PHLDB2: variants seen among roughly 807,000 people sequenced by gnomAD.
The protein encoded by PHLDB2 is pleckstrin homology-like domain family B member 2.
A neutral mutation model predicts 123.6 loss-of-function variants in PHLDB2; 71 were observed. That is an observed-to-expected ratio of 0.57 (90% CI 0.47 to 0.70). The LOEUF (loss-of-function observed/expected upper bound fraction) is 0.70. Ranked by LOEUF, PHLDB2 falls within the 30% of genes least tolerant of loss-of-function variation. The probability of loss-of-function intolerance (pLI) is 0.00; values close to 1 mark genes in which losing one functional copy is unlikely to be tolerated. For missense variants in PHLDB2, 1,446 were observed against 1,519.5 expected, an observed-to-expected ratio of 0.95 and a Z score of 0.80; for synonymous variants, 547 against 541.6, an observed-to-expected ratio of 1.01 and a Z score of -0.14.
At chr3:111,928,799 G>A (rs12491447) in intron 5 of PHLDB2, among the ~76,000 whole-genome samples, 4,135 of 152,240 alleles carry the variant, frequency 0.027, 333 homozygotes, top group East Asian at 0.25. Flanking sequence ...GATTTTGCTC[G>A]TACATCAAGA....
chr3:111,944,599 T>C (rs781277766), intron 8 of PHLDB2, among the ~76,000 whole-genome samples: 1 of 152,202 alleles, frequency 6.6e-6, no homozygotes, highest in Non-Finnish European at 1.5e-5. Context: ...TCATGTGATA[T>C]TACATCATCA....
intron 1 of PHLDB2, among the ~76,000 whole-genome samples, chr3:111,783,781 T>G (rs2060574737): frequency 6.6e-6 from 1 of 152,164 alleles, no homozygotes; most frequent in South Asian, 2.1e-4. Context: ...AAATCTTGCC[T>G]TAATCCCAAA....
chr3:111,926,018 A>T (rs1304141179), intron 5 of PHLDB2, among the ~76,000 whole-genome samples: 1 of 152,260 alleles, frequency 6.6e-6, no homozygotes, highest in Non-Finnish European at 1.5e-5. Flanking sequence ...GATGATAAAC[A>T]TATATCTCAA....
At chr3:111,963,832 A>G (rs1322057850) in intron 13 of PHLDB2, among the ~76,000 whole-genome samples, 1 of 152,212 alleles carries the variant, frequency 6.6e-6, no homozygotes, top group Admixed American at 6.5e-5. Context: ...CTTTCTACCA[A>G]TGTTCAAAAA....
intron 1 of PHLDB2, among the ~76,000 whole-genome samples, chr3:111,801,537 G>A (rs1216467386): frequency 6.6e-6 from 1 of 152,152 alleles, no homozygotes; most frequent in Non-Finnish European, 1.5e-5. Flanking sequence ...ATGAATAAAT[G>A]TGTCCCAAGA....
At chr3:111,922,178 T>C (rs1209816860) in intron 5 of PHLDB2, among the ~76,000 whole-genome samples, 2 of 152,252 alleles carry the variant, frequency 1.3e-5, no homozygotes, top group African/African-American at 2.4e-5. Flanking sequence ...TTAGGTATCA[T>C]GTTCCCTGTG....
intron 1 of PHLDB2, among the ~76,000 whole-genome samples, chr3:111,735,594 A>G (rs1372528829): frequency 1.3e-5 from 2 of 152,196 alleles, no homozygotes; most frequent in Non-Finnish European, 2.9e-5. Context: ...TTACAAATAG[A>G]GATTGCATCA....
chr3:111,971,839 A>G (rs936634563), intron 16 of PHLDB2, among the ~76,000 whole-genome samples: 2 of 152,242 alleles, frequency 1.3e-5, no homozygotes, highest in African/African-American at 4.8e-5. Context: ...TGTGTTATTC[A>G]TGGCCCTGGC....
At chr3:111,972,595 A>G (rs1037313163) in intron 16 of PHLDB2, among the ~76,000 whole-genome samples, 4 of 103,802 alleles carry the variant, frequency 3.9e-5, no homozygotes, top group East Asian at 5.7e-4. Flanking sequence ...CAGTATGTAT[A>G]TATTTTCTTT....
intron 1 of PHLDB2, among the ~76,000 whole-genome samples, chr3:111,754,077 G>A (rs2059836322): frequency 6.6e-6 from 1 of 152,062 alleles, no homozygotes; most frequent in Non-Finnish European, 1.5e-5. Flanking sequence ...TTGAAGTCAG[G>A]TAGCGTGATG....
At chr3:111,751,168 GGTGT>G (rs35962012) in intron 1 of PHLDB2, among the ~76,000 whole-genome samples, 1,480 of 144,072 alleles carry the variant, frequency 0.01, 19 homozygotes, top group African/African-American at 0.027. Context: ...GAGACAATGG[GGTGT>G]GTGTGTGTGT....
At chr3:111,843,590 CTA>C (rs994880657) in intron 1 of PHLDB2, among the ~76,000 whole-genome samples, 5 of 152,170 alleles carry the variant, frequency 3.3e-5, no homozygotes, top group Non-Finnish European at 7.3e-5. Flanking sequence ...CAGGATCTCT[CTA>C]TGTTGCCTGG....
intron 1 of PHLDB2, among the ~76,000 whole-genome samples, chr3:111,782,896 G>C (rs1406454657): frequency 6.6e-6 from 1 of 151,906 alleles, no homozygotes; most frequent in African/African-American, 2.4e-5. Context: ...TTCTTTTTTA[G>C]GATTCTCTAT....
intron 1 of PHLDB2, among the ~76,000 whole-genome samples, chr3:111,763,657 T>C (rs2060031763): frequency 6.6e-6 from 1 of 152,110 alleles, no homozygotes; most frequent in African/African-American, 2.4e-5. Flanking sequence ...TGTTTTGAGA[T>C]CCTAGGTGAT....
chr3:111,794,683 T>C (rs1209215236), intron 1 of PHLDB2, among the ~76,000 whole-genome samples: 1 of 152,228 alleles, frequency 6.6e-6, no homozygotes, highest in Non-Finnish European at 1.5e-5. Flanking sequence ...TGTCCTAAAT[T>C]GCTTTATAAG....
rs2071352804 is a variant in PHLDB2, at chr3:111,960,708, A to G, written c.2873-1400A>G. Among the ~76,000 whole-genome samples the G allele has an allele frequency of 2.0e-5, 3 of 152,228 alleles. No individual in the cohort carries two copies. In the South Asian group the frequency reaches 6.2e-4, roughly 31 times the overall value. ...TTTCATTGAAAGGTAGGTAGAGCAC[A>G]CAAAAAAGAGGAAATTCAAATGGTC... On this transcript the variant is annotated intron_variant, in intron 12 of 17. Coordinates refer to ENST00000431670, the MANE Select transcript of PHLDB2 (RefSeq NM_001134438.2).
intron 2 of PHLDB2, among the ~76,000 whole-genome samples, chr3:111,912,120 T>C (rs1021729190): frequency 7.2e-5 from 11 of 152,172 alleles, no homozygotes; most frequent in African/African-American, 2.2e-4. Context: ...CAATAGATGG[T>C]TTTTGTTTTT....
intron 1 of PHLDB2, among the ~76,000 whole-genome samples, chr3:111,824,143 C>T (rs1296551955): frequency 6.6e-6 from 1 of 152,184 alleles, no homozygotes. Flanking sequence ...CTTAGCCATA[C>T]CCTCTGATCT....
chr3:111,916,812 C>T (rs1289316879), intron 3 of PHLDB2: 2 of 152,150 alleles, frequency 1.3e-5, no homozygotes, highest in African/African-American at 2.4e-5. Context: ...AGTGTCTTTT[C>T]CCCTATCATC....
Sources: allele counts gnomAD v4.1 joint callset (sites outside exome capture counted in the v4.1 genomes callset), GRCh38; gene constraint gnomAD v4.1.1; transcripts MANE v1.5; gene names NCBI Gene and HGNC (gene_info 2026-07-23, HGNC 2026-07-21).